DNAH8: variants seen among roughly 807,000 people sequenced by gnomAD.
DNAH8 encodes the protein dynein axonemal heavy chain 8.
A neutral mutation model predicts 562.1 loss-of-function variants in DNAH8; 382 were observed. That is an observed-to-expected ratio of 0.68 (90% CI 0.63 to 0.74). DNAH8 has a LOEUF of 0.74. Among genes scored for constraint, DNAH8 ranks in the 30% least tolerant of loss-of-function variants. The pLI is 0.00. For synonymous variants in DNAH8, 1,881 were observed against 1,919.4 expected (o/e 0.98, Z 0.52); for missense variants, 5,203 against 5,620.4 (o/e 0.93, Z 2.37).
chr6:38,908,113 T>C lies in DNAH8; in HGVS notation c.9506T>C (p.Phe3169Ser). ...AAGAACTTACATGTTGTTCTCTGCT[T>C]TTCTCCAGTAAGTTTTTATTTTTAT... ...SRKNLHVVLC[F>S]SPVGEKFRAR... Residue 3169 changes from phenylalanine (F) to serine (S), a missense_variant, in exon 64 of 93, where the codon TTT becomes TCT. Phe to Ser is a radical substitution (Grantham distance 155). Around this residue, in one of 6 missense-constraint regions of DNAH8, gnomAD observed 977 missense variants for 1,061.8 expected, o/e 0.92. Transcript: ENST00000327475. 1 of 1,559,452 alleles carries C rather than the reference T, an allele frequency of 6.4e-7. No homozygotes were observed. Among genetic ancestry groups the C allele is most frequent in the Non-Finnish European group, 8.7e-7 (1 of 1,154,768 alleles).
chr6:38,913,050 C>T (rs1781022355), intron 66 of DNAH8, among the ~76,000 whole-genome samples: 1 of 152,250 alleles, frequency 6.6e-6, no homozygotes, highest in Non-Finnish European at 1.5e-5. Context: ...AGGTGATCCA[C>T]CCGCCTTGGC....
chr6:39,020,224 G>T (rs1314063348), intron 91 of DNAH8, among the ~76,000 whole-genome samples: 2 of 152,162 alleles, frequency 1.3e-5, no homozygotes, highest in African/African-American at 2.4e-5. Context: ...TTTCAGAGAA[G>T]GTGTGTGTCT....
chr6:38,829,805 C>T (rs550726549), intron 30 of DNAH8, among the ~76,000 whole-genome samples: 7 of 152,224 alleles, frequency 4.6e-5, no homozygotes, highest in Non-Finnish European at 1.0e-4. Context: ...CCTTCTTAAC[C>T]ATTTTAGTAG....
At chr6:38,864,630 G>T (rs1776900859) in intron 45 of DNAH8, among the ~76,000 whole-genome samples, 1 of 151,592 alleles carries the variant, frequency 6.6e-6, no homozygotes, top group Non-Finnish European at 1.5e-5. Context: ...TTTCTTTCCA[G>T]AAGTGACACA....
intron 87 of DNAH8, 157 bp downstream of exon 87, chr6:38,984,464 ACACATG>A (rs930133426): frequency 1.7e-6 from 1 of 578,864 alleles, no homozygotes; most frequent in Admixed American, 2.7e-5. Context: ...ACACACGCAC[ACACATG>A]CACACACACA....
chr6:38,790,737 C>T (rs1345645362), intron 20 of DNAH8, among the ~76,000 whole-genome samples: 2 of 151,582 alleles, frequency 1.3e-5, no homozygotes, highest in African/African-American at 2.4e-5. Flanking sequence ...GCAAGAGAAT[C>T]GTTTGAACCA....
At chr6:38,908,608 A>G (rs1780658658) in intron 64 of DNAH8, among the ~76,000 whole-genome samples, 1 of 152,198 alleles carries the variant, frequency 6.6e-6, no homozygotes, top group African/African-American at 2.4e-5. Context: ...GCTGAAGTGC[A>G]GTGGCATGAT....
Position 38,935,588 on chromosome 6 carries a change from A to G in DNAH8, c.11458-4A>G. On this transcript the variant is annotated splice_polypyrimidine_tract_variant and splice_region_variant and intron_variant, in intron 76 of 92. Transcript: ENST00000327475. Reference sequence around the variant, plus strand: ...CAATGTTATTTTTTGTTTTTTAATGACAGGAGTTAGAGGCTGAGAGGGTTA... The same window carrying G: ...CAATGTTATTTTTTGTTTTTTAATGGCAGGAGTTAGAGGCTGAGAGGGTTA... The G allele has an allele frequency of 6.2e-7, 1 of 1,600,690 alleles. No homozygotes were observed. The highest frequency in any genetic ancestry group is 8.5e-7 in the Non-Finnish European group (1 of 1,173,320).
intron 80 of DNAH8, among the ~76,000 whole-genome samples, chr6:38,948,007 C>T (rs1169543338): frequency 6.6e-6 from 1 of 152,180 alleles, no homozygotes; most frequent in East Asian, 1.9e-4. Context: ...CTCTGCCTCC[C>T]AAAGTGCTGG....
intron 8 of DNAH8, chr6:38,744,421 C>A (rs1764765041): frequency 6.6e-6 from 1 of 151,982 alleles, no homozygotes; most frequent in African/African-American, 2.4e-5. Context: ...GGGGGGCCAA[C>A]CTGACATATG....
rs547932712 is a variant in DNAH8 at position 38,993,241 on chromosome 6, A to G, written c.13214+3069A>G. The stretch of plus-strand genomic sequence containing the variant: ...TCATTTACTTGCAATTACTATGCCA[A>G]TACCACTACCAGCAACAAACCTATT... On this transcript the variant is annotated intron_variant, in intron 88 of 92. Coordinates refer to ENST00000327475, the MANE Select transcript of DNAH8 (RefSeq NM_001206927.2). Among the ~76,000 whole-genome samples the G allele has an allele frequency of 2.9e-4, 44 of 152,302 alleles. No individual in the cohort carries two copies. The East Asian group carries it at 7.9e-3, about 27-fold the overall frequency.
chr6:38,847,202 C>T (rs922222793), intron 36 of DNAH8, among the ~76,000 whole-genome samples: 3 of 152,134 alleles, frequency 2.0e-5, no homozygotes, highest in Admixed American at 1.3e-4. Flanking sequence ...GTGGGTTTGA[C>T]CACACAAAGT....
At chr6:38,841,419 AAAAAT>A (rs565155379) in intron 33 of DNAH8, among the ~76,000 whole-genome samples, 1 of 152,208 alleles carries the variant, frequency 6.6e-6, no homozygotes, top group Non-Finnish European at 1.5e-5. Context: ...ATTCTCTCTC[AAAAAT>A]AAAATAAAAT....
intron 82 of DNAH8, among the ~76,000 whole-genome samples, chr6:38,960,321 A>G (rs531906766): frequency 1.8e-4 from 27 of 152,206 alleles, no homozygotes; most frequent in African/African-American, 6.3e-4. Context: ...CAACATAGTA[A>G]AGACATAACC....
At chr6:38,838,524 G>C (rs1012477738) in intron 33 of DNAH8, among the ~76,000 whole-genome samples, 1 of 151,806 alleles carries the variant, frequency 6.6e-6, no homozygotes, top group East Asian at 1.9e-4. Context: ...TCAGCCTTCC[G>C]AATAGCTGGG....
chr6:39,009,504 A>G (rs1172842988), intron 89 of DNAH8, among the ~76,000 whole-genome samples: 2 of 152,210 alleles, frequency 1.3e-5, no homozygotes, highest in Non-Finnish European at 2.9e-5. Context: ...CCTGTTACCA[A>G]TCTGAAGTCT....
chr6:38,739,597 A>G (rs1764367724), intron 7 of DNAH8, among the ~76,000 whole-genome samples: 1 of 152,178 alleles, frequency 6.6e-6, no homozygotes, highest in Non-Finnish European at 1.5e-5. Context: ...GCTTGAGCCC[A>G]GGAGTTCAGG....
At position 38,822,927 on chromosome 6, in the gene DNAH8, C is replaced by G; in HGVS notation, c.3613C>G (p.Leu1205Val). 1 of 1,613,700 alleles carries G rather than the reference C, an allele frequency of 6.2e-7. No individual in the cohort carries two copies. Among genetic ancestry groups the G allele is most frequent in the South Asian group, 1.1e-5 (1 of 90,982 alleles). ...EHKDISKLVL[L>V]LSSSVNSLRK... ...CAAGGATATTTCTAAGTTGGTCCTG[C>G]TCCTTTCTTCCTCTGTAAATTCCCT... The change falls in exon 27 of 93, where the codon CTC becomes GTC. Residue 1205 changes from leucine (L) to valine (V), a missense_variant. Around this residue, in one of 6 missense-constraint regions of DNAH8, gnomAD observed 2,176 missense variants for 2,365.1 expected, o/e 0.92. Coordinates refer to ENST00000327475, the MANE Select transcript of DNAH8 (RefSeq NM_001206927.2).
intron 21 of DNAH8, among the ~76,000 whole-genome samples, chr6:38,798,502 T>A (rs927124072): frequency 6.6e-6 from 1 of 152,182 alleles, no homozygotes; most frequent in African/African-American, 2.4e-5. Context: ...TGGCCTCAAC[T>A]GTTCATGACG....
Sources: allele counts gnomAD v4.1 joint callset (sites outside exome capture counted in the v4.1 genomes callset), GRCh38; gene constraint gnomAD v4.1.1; regional missense constraint gnomAD v4.1.1; transcripts MANE v1.5; gene names NCBI Gene and HGNC (gene_info 2026-07-23, HGNC 2026-07-21).